ZHX3: variants seen among roughly 807,000 people sequenced by gnomAD.
The protein encoded by ZHX3 is zinc fingers and homeoboxes protein 3.
In ZHX3, 20 loss-of-function variants were observed where a neutral mutation model predicts 64.5. The observed-to-expected ratio is 0.31, with a 90% CI of 0.22 to 0.45. The LOEUF (loss-of-function observed/expected upper bound fraction) is 0.45. Among genes scored for constraint, ZHX3 ranks in the 20% least tolerant of loss-of-function variants. The probability of loss-of-function intolerance (pLI) is 1.00; values close to 1 mark genes in which losing one functional copy is unlikely to be tolerated. For synonymous variants in ZHX3, 423 were observed against 461.6 expected, an observed-to-expected ratio of 0.92 and a Z score of 1.07; for missense variants, 1,041 against 1,195.8, an observed-to-expected ratio of 0.87 and a Z score of 1.91.
chr20:41,308,695 T>G (rs2045047272), intron 1 of ZHX3, among the ~76,000 whole-genome samples: 1 of 152,132 alleles, frequency 6.6e-6, no homozygotes, highest in Non-Finnish European at 1.5e-5. Context: ...GCAGGATTCC[T>G]CTCCTTGTCA....
chr20:41,237,709 T>C (rs1263815789), intron 2 of ZHX3, among the ~76,000 whole-genome samples: 2 of 152,144 alleles, frequency 1.3e-5, no homozygotes, highest in Non-Finnish European at 2.9e-5. Flanking sequence ...CACATGTATA[T>C]GTAACAAACC....
intron 3 of ZHX3, among the ~76,000 whole-genome samples, chr20:41,186,093 C>T (rs1169290830): frequency 1.3e-5 from 2 of 152,230 alleles, no homozygotes; most frequent in Non-Finnish European, 2.9e-5. Flanking sequence ...AACCATCACT[C>T]TATTTCCAGC....
At chr20:41,189,843 A>G (rs1221956068) in intron 3 of ZHX3, among the ~76,000 whole-genome samples, 1 of 152,192 alleles carries the variant, frequency 6.6e-6, no homozygotes, top group Non-Finnish European at 1.5e-5. Flanking sequence ...TTCTCTGGCT[A>G]GAACTTCCAG....
chr20:41,227,796 T>C (rs184632397), intron 2 of ZHX3, among the ~76,000 whole-genome samples: 11 of 152,346 alleles, frequency 7.2e-5, no homozygotes, highest in Non-Finnish European at 1.5e-4. Flanking sequence ...TTATTTGTTA[T>C]TGGTTGTTTC....
intron 1 of ZHX3, among the ~76,000 whole-genome samples, chr20:41,303,986 T>G (rs2044900763): frequency 6.6e-6 from 1 of 152,206 alleles, no homozygotes; most frequent in African/African-American, 2.4e-5. Flanking sequence ...CAGTGATACC[T>G]CTTAAGAGCT....
intron 2 of ZHX3, among the ~76,000 whole-genome samples, chr20:41,260,290 T>C (rs990116511): frequency 1.3e-5 from 2 of 152,102 alleles, no homozygotes; most frequent in Non-Finnish European, 2.9e-5. Flanking sequence ...ATATATTGCA[T>C]AGGAAGTTAA....
chr20:41,268,700 G>T (rs2042981438), intron 2 of ZHX3, among the ~76,000 whole-genome samples: 1 of 152,170 alleles, frequency 6.6e-6, no homozygotes. Flanking sequence ...ACACAACACA[G>T]GATACTCTTA....
intron 2 of ZHX3, among the ~76,000 whole-genome samples, chr20:41,233,038 G>A (rs2040729353): frequency 6.6e-6 from 1 of 152,172 alleles, no homozygotes; most frequent in Non-Finnish European, 1.5e-5. Context: ...CCTGTTACCA[G>A]GAGGTACCAG....
At chr20:41,270,209 T>A (rs2043065238) in intron 1 of ZHX3, among the ~76,000 whole-genome samples, 1 of 140,800 alleles carries the variant, frequency 7.1e-6, no homozygotes. Context: ...ACCAACATGG[T>A]GAAACCCCGT....
rs1461237597 is a variant in ZHX3, at chr20:41,179,146, A to AT, written c.*6044dup. The stretch of plus-strand genomic sequence containing the variant: ...TGCCCTCAGTAAAACTCAATGAACA[A>AT]TGGCCAGCAGGGGAGAAAGGAAGGT... On this transcript the variant is annotated 3_prime_UTR_variant, in exon 4 of 4. Coordinates refer to ENST00000683867, the MANE Select transcript of ZHX3 (RefSeq NM_001384317.1). This position sits in a 1 kb window ranked among gnomAD's most constrained non-coding sequence, Gnocchi z 4.3. 6.6e-6 allele frequency: 1 copy of AT among 152,282 alleles called. No individual in the cohort carries two copies. The highest frequency in any genetic ancestry group is 1.5e-5 in the Non-Finnish European group (1 of 68,062). The allele number at this position is 152,282 out of a possible 1,614,324, so 9.4% of individuals were successfully genotyped here.
In ZHX3 at chr20:41,224,066, T is replaced by G. The variant is rs1467453266; in HGVS notation, c.-150-19000A>C. ...TCCAATATACAAAACAAAAAATAAA[T>G]AAATAAAAGAACAAGCAAAACAAAA... On this transcript the variant is annotated intron_variant, in intron 2 of 3. Coordinates refer to ENST00000683867, the MANE Select transcript of ZHX3 (RefSeq NM_001384317.1). The surrounding 1 kb of genome is among the most constrained non-coding windows in gnomAD (Gnocchi z 5.2). 6.6e-6 allele frequency among the ~76,000 whole-genome samples: 1 copy of G among 151,832 alleles called. No individual in the cohort carries two copies. Among genetic ancestry groups the G allele is most frequent in the Non-Finnish European group, 1.5e-5 (1 of 67,924 alleles).
intron 1 of ZHX3, among the ~76,000 whole-genome samples, chr20:41,300,562 G>C (rs539388227): frequency 6.6e-6 from 1 of 152,218 alleles, no homozygotes; most frequent in African/African-American, 2.4e-5. Context: ...AAGTCAACAG[G>C]GTGCTAAGTG....
intron 2 of ZHX3, among the ~76,000 whole-genome samples, chr20:41,221,787 C>T (rs2039959875): frequency 1.3e-5 from 2 of 152,228 alleles, no homozygotes; most frequent in African/African-American, 2.4e-5. Context: ...AGGAAGCACA[C>T]TCCAGGCACA....
Position 41,292,185 on chromosome 20 carries a change from A to C in ZHX3, c.-244-23102T>G, listed in dbSNP as rs908930233. Among the ~76,000 whole-genome samples the C allele has an allele frequency of 2.3e-4, 35 of 152,076 alleles. 1 individual carries two copies. The highest frequency in any genetic ancestry group is 8.4e-4 in the African/African-American group (35 of 41,500). ...TTTGGGGTTTTTTGCTGTTGTCTTTATCCTCCGATTGGGACTTTTGAATTT... is the reference window on the plus strand; with the variant it reads ...TTTGGGGTTTTTTGCTGTTGTCTTTCTCCTCCGATTGGGACTTTTGAATTT... On this transcript the variant is annotated intron_variant, in intron 1 of 3. Coordinates refer to ENST00000683867, the MANE Select transcript of ZHX3 (RefSeq NM_001384317.1).
intron 3 of ZHX3, among the ~76,000 whole-genome samples, chr20:41,194,346 T>G (rs951978987): frequency 2.0e-5 from 3 of 152,184 alleles, no homozygotes; most frequent in Non-Finnish European, 4.4e-5. Context: ...TGTGTTTTAT[T>G]CTCTTTATTC....
chr20:41,227,698 TG>T (rs1180625345), intron 2 of ZHX3, among the ~76,000 whole-genome samples: 1 of 152,274 alleles, frequency 6.6e-6, no homozygotes, highest in Non-Finnish European at 1.5e-5. Flanking sequence ...TCTGCCATTA[TG>T]AATTTGGTAA....
At chr20:41,217,133 A>C (rs1177882966) in intron 2 of ZHX3, among the ~76,000 whole-genome samples, 1 of 152,206 alleles carries the variant, frequency 6.6e-6, no homozygotes, top group Non-Finnish European at 1.5e-5. Context: ...ATGACATTAA[A>C]GAATTACTGT....
intron 2 of ZHX3, among the ~76,000 whole-genome samples, chr20:41,238,992 C>CTCT (rs1441146284): frequency 2.3e-4 from 20 of 86,328 alleles, no homozygotes; most frequent in East Asian, 4.9e-4. Context: ...TTTTCTCTCT[C>CTCT]TTTTTTTTTT....
chr20:41,286,970 CTG>C (rs534036025), intron 1 of ZHX3, among the ~76,000 whole-genome samples: 4 of 152,182 alleles, frequency 2.6e-5, no homozygotes, highest in Non-Finnish European at 5.9e-5. Context: ...TCCACCATGA[CTG>C]TAAGTTGAGG....
Sources: gnomAD v4.1 joint callset for allele counts (sites outside exome capture counted in the v4.1 genomes callset) on GRCh38, gnomAD v4.1.1 for gene constraint, Gnocchi (gnomAD v3.1) non-coding constraint, MANE v1.5 for transcripts, NCBI Gene and HGNC (gene_info 2026-07-23, HGNC 2026-07-21) for gene names.